HOOK1: variants seen among roughly 807,000 people sequenced by gnomAD.
HOOK1 encodes the protein protein Hook homolog 1.
HOOK1 carries 60 observed loss-of-function variants against 112.8 expected under a neutral mutation model. The ratio of observed to expected loss-of-function variants is 0.53; its 90% CI spans 0.43 to 0.66. The LOEUF is 0.66. Ranked by LOEUF, HOOK1 falls within the 30% of genes least tolerant of loss-of-function variation. The probability of loss-of-function intolerance (pLI) is 0.00; values close to 1 mark genes in which losing one functional copy is unlikely to be tolerated. For missense variants in HOOK1, 770 were observed against 856.0 expected, an observed-to-expected ratio of 0.90 and a Z score of 1.25; for synonymous variants, 294 against 283.8, an observed-to-expected ratio of 1.04 and a Z score of -0.36.
intron 1 of HOOK1, among the ~76,000 whole-genome samples, chr1:59,816,907 A>G (rs2098381983): frequency 6.6e-6 from 1 of 152,140 alleles, no homozygotes; most frequent in Admixed American, 6.5e-5. Flanking sequence ...TTCTCCTAAC[A>G]TTGCCCATAC....
chr1:59,876,163 G>A lies in HOOK1; in HGVS notation c.*3198G>A, dbSNP rs928092103. 1.3e-5 allele frequency: 2 copies of A among 152,640 alleles called. No individual in the cohort carries two copies. Among genetic ancestry groups the A allele is most frequent in the Non-Finnish European group, 2.9e-5 (2 of 68,034 alleles). 9.5% of individuals were successfully genotyped at this position (152,640 alleles called of 1,614,324 possible). A position where few individuals can be genotyped will look rare whatever the true frequency, so the allele number is the denominator to read the frequency against. ...AGCACAAACCATAAAAGAGTGTGGA[G>A]TTATTAAATGATGTAGCACAAATGT... On this transcript the variant is annotated 3_prime_UTR_variant, in exon 22 of 22. Coordinates refer to ENST00000371208, the MANE Select transcript of HOOK1 (RefSeq NM_015888.6).
intron 1 of HOOK1, among the ~76,000 whole-genome samples, chr1:59,816,348 C>G (rs2098381529): frequency 6.6e-6 from 1 of 152,188 alleles, no homozygotes. Flanking sequence ...AATTAGCTAA[C>G]TGTTCAGCTG....
chr1:59,829,971 A>G (rs1356212683), intron 3 of HOOK1, among the ~76,000 whole-genome samples: 1 of 152,118 alleles, frequency 6.6e-6, no homozygotes. Context: ...ACCTATGAGT[A>G]AATTAGAAGT....
chr1:59,852,384 T>G (rs1293821522), intron 12 of HOOK1, among the ~76,000 whole-genome samples: 1 of 151,798 alleles, frequency 6.6e-6, no homozygotes, highest in African/African-American at 2.4e-5. Context: ...TTTGTTTCTT[T>G]CTAGAGATTT....
At chr1:59,823,642 C>A (rs1256182293) in intron 2 of HOOK1, among the ~76,000 whole-genome samples, 4 of 152,170 alleles carry the variant, frequency 2.6e-5, no homozygotes, top group Non-Finnish European at 2.9e-5. Context: ...AGAATACAAT[C>A]AAAAGAAACC....
At chr1:59,826,874 T>G (rs2098390344) in intron 2 of HOOK1, among the ~76,000 whole-genome samples, 1 of 152,224 alleles carries the variant, frequency 6.6e-6, no homozygotes, top group Non-Finnish European at 1.5e-5. Flanking sequence ...GCGATGCTCC[T>G]GCCTCAGCCT....
chr1:59,828,569 A>C (rs894096898), intron 2 of HOOK1, among the ~76,000 whole-genome samples: 20 of 152,280 alleles, frequency 1.3e-4, no homozygotes, highest in African/African-American at 4.1e-4. Flanking sequence ...CAGGGCACCT[A>C]GTATTAAATA....
At chr1:59,848,571 T>C in intron 11 of HOOK1, 55 bp downstream of exon 11, 1 of 1,228,798 alleles carries the variant, frequency 8.1e-7, no homozygotes, top group East Asian at 2.3e-5. Flanking sequence ...AACTTTGTTA[T>C]TCCTTTTGAT....
Position 59,843,439 on chromosome 1 carries a change from C to T in HOOK1, c.629C>T (p.Thr210Ile), listed in dbSNP as rs1469401487. Residue 210 changes from threonine (T) to isoleucine (I), a missense_variant, in exon 9 of 22, where the codon ACA (threonine) becomes ATA (isoleucine). Physicochemically the swap from Thr to Ile is moderately conservative, Grantham distance 89 (BLOSUM62 -1). Around this residue, in one of 3 missense-constraint regions of HOOK1, gnomAD observed 655 missense variants for 725.9 expected, o/e 0.90. Coordinates refer to ENST00000371208, the MANE Select transcript of HOOK1 (RefSeq NM_015888.6). ...RCEELDMQVT[T>I]LQDEKNSLVS... Reference sequence around the variant, plus strand: ...TGTGTATTTGTTTCTTAGGTGACTACACTTCAAGATGAAAAGAATTCACTG... The same window carrying T: ...TGTGTATTTGTTTCTTAGGTGACTATACTTCAAGATGAAAAGAATTCACTG... 1.2e-6 allele frequency: 2 copies of T among 1,606,346 alleles called. No homozygotes were observed. The highest frequency in any genetic ancestry group is 2.2e-5 in the South Asian group (2 of 89,868).
intron 12 of HOOK1, among the ~76,000 whole-genome samples, chr1:59,849,993 G>A (rs2098406270): frequency 6.6e-6 from 1 of 151,330 alleles, no homozygotes; most frequent in Admixed American, 6.6e-5. Context: ...GGTATTGATG[G>A]GTCATATGGT....
At chr1:59,862,660 T>C (rs2098414229) in intron 15 of HOOK1, 124 bp from the exon 16 acceptor site, 1 of 608,196 alleles carries the variant, frequency 1.6e-6, no homozygotes, top group African/African-American at 1.8e-5. Flanking sequence ...CAGATAATTA[T>C]TCCGCATTTG....
intron 5 of HOOK1, 39 bp downstream of exon 5, chr1:59,833,576 A>G: frequency 1.3e-6 from 2 of 1,482,986 alleles, no homozygotes; most frequent in Middle Eastern, 1.8e-4. Context: ...TCTACTTTCT[A>G]GAAACTTTCT....
In HOOK1 at chr1:59,818,523, G is replaced by A. The variant is rs1342635710; in HGVS notation, c.64-3335G>A. On this transcript the variant is annotated intron_variant, in intron 1 of 21. Coordinates refer to ENST00000371208, the MANE Select transcript of HOOK1 (RefSeq NM_015888.6). ...ATGTGGGTATCATTTACATGTTGGA[G>A]GACATGTATGAGAGTTTGAAGAAAT... 2.6e-5 allele frequency among the ~76,000 whole-genome samples: 4 copies of A among 152,154 alleles called. 1 individual carries two copies. In the South Asian group the frequency reaches 6.2e-4, roughly 24 times the overall value.
chr1:59,818,173 A>G (rs545161108), intron 1 of HOOK1, among the ~76,000 whole-genome samples: 2 of 152,314 alleles, frequency 1.3e-5, no homozygotes, highest in East Asian at 1.9e-4. Context: ...TCCTTTGGCT[A>G]TAGATTAAAG....
intron 10 of HOOK1, among the ~76,000 whole-genome samples, chr1:59,848,037 G>T (rs1381471724): frequency 6.6e-6 from 1 of 151,592 alleles, no homozygotes; most frequent in Non-Finnish European, 1.5e-5. Flanking sequence ...TTTATTCATT[G>T]TGCTAATATA....
intron 19 of HOOK1, among the ~76,000 whole-genome samples, chr1:59,866,701 C>T (rs142979008): frequency 4.8e-4 from 73 of 152,242 alleles, no homozygotes; most frequent in Admixed American, 1.2e-3. Flanking sequence ...CACTTTGGAG[C>T]GCAGGCATGT....
Position 59,865,172 on chromosome 1 carries a change from C to G in HOOK1, c.1671C>G (p.Leu557=). Residue 557 remains leucine, a synonymous_variant, in exon 18 of 22, where the codon CTC becomes CTG. Coordinates refer to ENST00000371208, the MANE Select transcript of HOOK1 (RefSeq NM_015888.6). The part of the protein sequence containing the change: ...KQKLEAHMEK[L]TEVHEELQKK... ...TTTTTCTACCACTTAGGGAAAAACT[C>G]ACAGAGGTCCATGAAGAATTACAGA... The G allele has an allele frequency of 6.2e-7, 1 of 1,602,164 alleles. No homozygotes were observed. Among genetic ancestry groups the G allele is most frequent in the Non-Finnish European group, 8.6e-7 (1 of 1,169,328 alleles).
chr1:59,871,487 CTAGT>C (rs1559065105), intron 21 of HOOK1, among the ~76,000 whole-genome samples: 1 of 152,138 alleles, frequency 6.6e-6, no homozygotes, highest in Non-Finnish European at 1.5e-5. Context: ...TTAAATGCTT[CTAGT>C]TACTCAGTAT....
chr1:59,840,805 G>A (rs1240643678), intron 8 of HOOK1, among the ~76,000 whole-genome samples: 2 of 151,998 alleles, frequency 1.3e-5, no homozygotes, highest in Non-Finnish European at 2.9e-5. Flanking sequence ...TATGTATGTA[G>A]TCTCTTATGG....
Sources: allele counts gnomAD v4.1 joint callset (sites outside exome capture counted in the v4.1 genomes callset), GRCh38; gene constraint gnomAD v4.1.1; regional missense constraint gnomAD v4.1.1; transcripts MANE v1.5; gene names NCBI Gene and HGNC (gene_info 2026-07-23, HGNC 2026-07-21).